C2CD2: variants seen among roughly 807,000 people sequenced by gnomAD.
C2CD2 encodes the protein C2 domain-containing protein 2.
C2CD2 carries 43 observed loss-of-function variants against 74.3 expected under a neutral mutation model. The ratio of observed to expected loss-of-function variants is 0.58; its 90% CI spans 0.45 to 0.75. The LOEUF (loss-of-function observed/expected upper bound fraction) is 0.75. Ranked by LOEUF, C2CD2 falls within the 30% of genes least tolerant of loss-of-function variation. The probability of loss-of-function intolerance (pLI) is 0.00; values close to 1 mark genes in which losing one functional copy is unlikely to be tolerated. For missense variants in C2CD2, 801 were observed against 916.3 expected (o/e 0.87, Z 1.63); for synonymous variants, 422 against 390.7 (o/e 1.08, Z -0.94).
intron 11 of C2CD2, among the ~76,000 whole-genome samples, chr21:41,902,476 T>C (rs540503073): frequency 6.6e-6 from 1 of 152,298 alleles, no homozygotes; most frequent in Admixed American, 6.5e-5. Flanking sequence ...TTTTATCCCA[T>C]TTGACCATTG....
chr21:41,942,104 T>C (rs2065359450), intron 2 of C2CD2, 43 bp downstream of exon 2: 3 of 1,544,454 alleles, frequency 1.9e-6, no homozygotes, highest in Non-Finnish European at 2.6e-6. Context: ...GTCCCCGGCA[T>C]CAAGTTCACC....
Position 41,929,228 on chromosome 21 carries a change from C to G in C2CD2, c.379-7143G>C, listed in dbSNP as rs888885790. Among the ~76,000 whole-genome samples the G allele has an allele frequency of 6.6e-6, 1 of 152,228 alleles. No homozygotes were observed. Among genetic ancestry groups the G allele is most frequent in the Non-Finnish European group, 1.5e-5 (1 of 68,042 alleles). ...CACTCTGGCCTCTGCTGCGTCAGAGCTCCATACCTTGGCCAAGTGACTGCA... is the reference window on the plus strand; with the variant it reads ...CACTCTGGCCTCTGCTGCGTCAGAGGTCCATACCTTGGCCAAGTGACTGCA... On this transcript the variant is annotated intron_variant, in intron 2 of 13. Transcript: ENST00000380486. The surrounding 1 kb of genome is among the most constrained non-coding windows in gnomAD (Gnocchi z 4.6).
At chr21:41,931,129 G>A (rs2065257789) in intron 2 of C2CD2, among the ~76,000 whole-genome samples, 1 of 150,636 alleles carries the variant, frequency 6.6e-6, no homozygotes, top group Non-Finnish European at 1.5e-5. Flanking sequence ...GACTAGAAGA[G>A]AATGCAGAGA....
chr21:41,943,041 C>A, intron 1 of C2CD2: 1 of 614,274 alleles, frequency 1.6e-6, no homozygotes, highest in Non-Finnish European at 2.0e-6. Flanking sequence ...TGGCTCACAC[C>A]GGTAATCCCA....
At chr21:41,940,269 A>G (rs545283368) in intron 2 of C2CD2, among the ~76,000 whole-genome samples, 1 of 152,350 alleles carries the variant, frequency 6.6e-6, no homozygotes, top group South Asian at 2.1e-4. Flanking sequence ...CCTGAATTAT[A>G]GTTGAAGCAA....
intron 7 of C2CD2, 175 bp downstream of exon 7, chr21:41,912,157 A>G (rs903695459): frequency 7.3e-6 from 4 of 550,490 alleles, no homozygotes; most frequent in African/African-American, 5.8e-5. Context: ...CTGCCTTTAC[A>G]ACAAAACCCA....
chr21:41,953,547 C>A lies in C2CD2; in HGVS notation c.102G>T (p.Ala34=), dbSNP rs1350834405. The change falls in exon 1 of 14, where the codon GCG becomes GCT. Residue 34 remains alanine (A), a synonymous_variant. Coordinates refer to ENST00000380486, the MANE Select transcript of C2CD2 (RefSeq NM_015500.2). ...AALATVGLYL[A]QWALARARPQ... The stretch of plus-strand genomic sequence containing the variant: ...GTCGCGCCCTGGCCAGCGCCCACTG[C>A]GCCAGGTACAGGCCTACCGTGGCCA... 1.6e-5 allele frequency: 24 copies of A among 1,483,432 alleles called. No individual in the cohort carries two copies. Among genetic ancestry groups the A allele is most frequent in the Admixed American group, 2.4e-5 (1 of 42,084 alleles). The allele number at this position is 1,483,432 out of a possible 1,614,324, so 91.9% of individuals were successfully genotyped here.
intron 1 of C2CD2, among the ~76,000 whole-genome samples, chr21:41,944,534 A>AG (rs1202004491): frequency 2.0e-5 from 3 of 147,448 alleles, no homozygotes; most frequent in African/African-American, 7.9e-5. Flanking sequence ...AAAAAAAAAA[A>AG]AAAAAAAAGA....
rs2064695578 is a variant in C2CD2 at position 41,887,318 on chromosome 21, T to C, written c.*1806A>G. ...CAATGATTAAAACTGGAATATAATT[T>C]TTAAAAACAAAGCAGGTTGGAAAAG... On this transcript the variant is annotated 3_prime_UTR_variant, in exon 14 of 14. Coordinates refer to ENST00000380486, the MANE Select transcript of C2CD2 (RefSeq NM_015500.2). 1 of 152,194 alleles carries C rather than the reference T, an allele frequency of 6.6e-6. No homozygotes were observed. Among genetic ancestry groups the C allele is most frequent in the Non-Finnish European group, 1.5e-5 (1 of 68,042 alleles). The allele number at this position is 152,194 out of a possible 1,614,324, so 9.4% of individuals were successfully genotyped here.
At chr21:41,922,511 G>A (rs2065166521) in intron 2 of C2CD2, among the ~76,000 whole-genome samples, 1 of 145,540 alleles carries the variant, frequency 6.9e-6, no homozygotes, top group African/African-American at 2.6e-5. Context: ...GTCTCACTCT[G>A]TCACCCAGGC....
rs2064675038 is a variant in C2CD2, at chr21:41,885,606, C to T, written c.*3518G>A. The stretch of plus-strand genomic sequence containing the variant: ...GCCTGGCAGCAGGGTTTACGCCAGC[C>T]CCGAGGTCTGTTTTCCGTCAGACAG... On this transcript the variant is annotated 3_prime_UTR_variant, in exon 14 of 14. Coordinates refer to ENST00000380486, the MANE Select transcript of C2CD2 (RefSeq NM_015500.2). The T allele has an allele frequency of 6.5e-6, 1 of 152,692 alleles. No individual in the cohort carries two copies. Among genetic ancestry groups the T allele is most frequent in the Non-Finnish European group, 1.5e-5 (1 of 68,126 alleles). 9.5% of individuals were successfully genotyped at this position (152,692 alleles called of 1,614,324 possible). A position where few individuals can be genotyped will look rare whatever the true frequency, so the allele number is the denominator to read the frequency against.
In C2CD2 at chr21:41,911,388, CT is replaced by C. The variant is rs58934224; in HGVS notation, c.953+943del. ...GCCTACATTTTTCCCTATCTCGATTCTTTTTTTTTTTTTTTTTTTGAGATGG... is the reference window on the plus strand; with the variant it reads ...GCCTACATTTTTCCCTATCTCGATTCTTTTTTTTTTTTTTTTTTGAGATGG... On this transcript the variant is annotated intron_variant, in intron 7 of 13. Transcript: ENST00000380486. 8.2e-3 allele frequency among the ~76,000 whole-genome samples: 952 copies of C among 116,712 alleles called. 6 individuals are homozygous for C. Among genetic ancestry groups the C allele is most frequent in the African/African-American group, 0.023 (708 of 30,902 alleles). 76.6% of individuals were successfully genotyped at this position (116,712 alleles called of 152,430 possible). A position where few individuals can be genotyped will look rare whatever the true frequency, so the allele number is the denominator to read the frequency against.
In C2CD2 at chr21:41,914,578, A is replaced by G; in HGVS notation, c.844+20T>C. On this transcript the variant is annotated intron_variant, in intron 6 of 13. Coordinates refer to ENST00000380486, the MANE Select transcript of C2CD2 (RefSeq NM_015500.2). ...GCTGGAAGAGCCCCTCCAGGCAGGC[A>G]GGCTCCCATCGTCACCCACCTGAGG... 6.2e-7 allele frequency: 1 copy of G among 1,610,552 alleles called. No homozygotes were observed. Among genetic ancestry groups the G allele is most frequent in the Non-Finnish European group, 8.5e-7 (1 of 1,178,382 alleles).
Position 41,953,661 on chromosome 21 carries a change from G to T in C2CD2, c.-13C>A. 7.2e-7 allele frequency: 1 copy of T among 1,397,884 alleles called. No individual in the cohort carries two copies. The highest frequency in any genetic ancestry group is 1.5e-5 in the South Asian group (1 of 65,814). 86.6% of individuals were successfully genotyped at this position (1,397,884 alleles called of 1,614,324 possible). A position where few individuals can be genotyped will look rare whatever the true frequency, so the allele number is the denominator to read the frequency against. On this transcript the variant is annotated 5_prime_UTR_variant, in exon 1 of 14. Transcript: ENST00000380486. ...GGGCCATGGCCATGGCGCATCCCCG[G>T]CCCGCCTCGCCCCAACTTCCCCGGC...
In C2CD2 at chr21:41,922,010, G is replaced by T; in HGVS notation, c.454C>A (p.Arg152=). Residue 152 remains arginine, a synonymous_variant, in exon 3 of 14, where the codon CGG becomes AGG. Coordinates refer to ENST00000380486, the MANE Select transcript of C2CD2 (RefSeq NM_015500.2). ...SETPALGAGC[R]LYDMRLSPFH... ...GGGGAGAGCCGCATGTCGTACAGCC[G>T]GCATCCAGCACCCAAGGCAGGCGTC... The T allele has an allele frequency of 6.2e-7, 1 of 1,613,872 alleles. No homozygotes were observed. The highest frequency in any genetic ancestry group is 8.5e-7 in the Non-Finnish European group (1 of 1,179,816).
At chr21:41,952,830 C>T (rs746161463) in intron 1 of C2CD2, 3 of 152,388 alleles carry the variant, frequency 2.0e-5, no homozygotes, top group Non-Finnish European at 4.4e-5. Flanking sequence ...TGTGAGGATT[C>T]AGAGATGGCA....
In C2CD2 at chr21:41,903,127, G is replaced by A. The variant is rs553781551; in HGVS notation, c.1433-1378C>T. Among the ~76,000 whole-genome samples the A allele has an allele frequency of 2.0e-5, 3 of 152,256 alleles. No homozygotes were observed. The East Asian group carries it at 5.8e-4, about 29-fold the overall frequency. ...CAACGCATGCACGTACTGGGAAAGG[G>A]GCGACTCCACGGAGATCAAAGCTCC... is the stretch of plus-strand genomic sequence containing the variant. On this transcript the variant is annotated intron_variant, in intron 11 of 13. Coordinates refer to ENST00000380486, the MANE Select transcript of C2CD2 (RefSeq NM_015500.2). This position sits in a 1 kb window ranked among gnomAD's most constrained non-coding sequence, Gnocchi z 4.5.
intron 10 of C2CD2, among the ~76,000 whole-genome samples, 173 bp from the exon 11 acceptor site, chr21:41,906,010 CA>C (rs2064958517): frequency 6.6e-6 from 1 of 152,154 alleles, no homozygotes; most frequent in Non-Finnish European, 1.5e-5. Context: ...GTCTGGAGTC[CA>C]GGTTGAAATA....
At chr21:41,907,928 T>A in intron 8 of C2CD2, 144 bp from the exon 9 acceptor site, 1 of 820,324 alleles carries the variant, frequency 1.2e-6, no homozygotes, top group Non-Finnish European at 2.0e-6. Flanking sequence ...TCAGAATGTT[T>A]GAAAAATGTC....
Sources: gnomAD v4.1 joint callset for allele counts (sites outside exome capture counted in the v4.1 genomes callset) on GRCh38, gnomAD v4.1.1 for gene constraint, Gnocchi (gnomAD v3.1) non-coding constraint, MANE v1.5 for transcripts, NCBI Gene and HGNC (gene_info 2026-07-23, HGNC 2026-07-21) for gene names.